The following HEATR4 variants were observed in gnomAD, a reference collection of about 807,000 sequenced individuals.
HEATR4 encodes the protein HEAT repeat containing 4, also known as HEAT repeat-containing protein 4.
A neutral mutation model predicts 108.8 loss-of-function variants in HEATR4; 95 were observed. That is an observed-to-expected ratio of 0.87 (90% confidence interval 0.74 to 1.04). HEATR4 has a LOEUF of 1.04. Ranked by LOEUF, HEATR4 falls within the 50% of genes least tolerant of loss-of-function variation. The pLI is 0.00. For missense variants in HEATR4, 1,152 were observed against 1,253.8 expected (o/e 0.92, Z 1.23); for synonymous variants, 443 against 459.4 (o/e 0.96, Z 0.46).
chr14:73,509,442 T>C lies in HEATR4; in HGVS notation c.1590A>G (p.Leu530=). The C allele has an allele frequency of 6.2e-7, 1 of 1,614,056 alleles. No individual in the cohort carries two copies. The highest frequency in any genetic ancestry group is 8.5e-7 in the Non-Finnish European group (1 of 1,180,008). ...AAAGAGCAGCCTCTAGGGCAGGCAG[T>C]AGAACCTCCGGCAAGTCCTGGATGG... ...DKTIQDLPEV[L]LPALEAALCD... is the part of the protein sequence containing the mutation. The change falls in exon 8 of 18, where the codon CTA becomes CTG. Residue 530 remains leucine (L), a synonymous_variant. Coordinates refer to ENST00000553558, the MANE Select transcript of HEATR4 (RefSeq NM_001220484.1).
At chr14:73,507,497 G>A (rs1886932162) in intron 9 of HEATR4, among the ~76,000 whole-genome samples, 1 of 152,128 alleles carries the variant, frequency 6.6e-6, no homozygotes, top group South Asian at 2.1e-4. Context: ...ACAGTGGTGT[G>A]ATCTCAGCTC....
chr14:73,569,519 G>A, the HEATR4 span: 5 of 1,608,740 alleles, frequency 3.1e-6, no homozygotes, highest in East Asian at 2.2e-5. Flanking sequence ...CGGAGCAGCC[G>A]GTCACGCTGC....
chr14:73,522,124 G>A, intron 3 of HEATR4, 148 bp downstream of exon 3: 1 of 852,144 alleles, frequency 1.2e-6, no homozygotes, highest in Admixed American at 2.3e-5. Context: ...ACCTTACTTT[G>A]CAGAGCTCTC....
the HEATR4 span, chr14:73,569,346 T>C: frequency 6.4e-5 from 104 of 1,613,978 alleles, 1 homozygote; most frequent in East Asian, 2.3e-3. Flanking sequence ...GCTGTACCAA[T>C]GGAGCCTGAA....
the HEATR4 span, among the ~76,000 whole-genome samples, chr14:73,572,626 G>A: frequency 7.8e-3 from 831 of 107,152 alleles, 1 homozygote; most frequent in African/African-American, 0.029. Flanking sequence ...AGTGTTGCCT[G>A]TAAGGTGTTT....
the HEATR4 span, chr14:73,569,197 C>T: frequency 3.7e-6 from 6 of 1,602,688 alleles, no homozygotes; most frequent in Non-Finnish European, 4.3e-6. Context: ...TAGCAGACAG[C>T]TCTGCCCTAG....
At chr14:73,595,413 T>C in the HEATR4 span, 3 of 1,614,222 alleles carry the variant, frequency 1.9e-6, no homozygotes, top group Non-Finnish European at 1.7e-6. Flanking sequence ...TCTGAACGGT[T>C]ACAGGCCCAT....
chr14:73,597,072 T>TTATG, the HEATR4 span, among the ~76,000 whole-genome samples: 188 of 137,282 alleles, frequency 1.4e-3, 1 homozygote, highest in East Asian at 0.038. Flanking sequence ...TAATTTTATT[T>TTATG]TATTTATTTA....
At chr14:73,598,749 T>C in the HEATR4 span, among the ~76,000 whole-genome samples, 1 of 152,086 alleles carries the variant, frequency 6.6e-6, no homozygotes, top group Non-Finnish European at 1.5e-5. Context: ...ACACCTGTAA[T>C]CCCAGCACTT....
the HEATR4 span, among the ~76,000 whole-genome samples, chr14:73,604,690 G>A: frequency 1.3e-5 from 2 of 152,028 alleles, no homozygotes; most frequent in South Asian, 2.1e-4. Context: ...GTTTCAACAT[G>A]TTGGTCAGGT....
chr14:73,502,547 C>G (rs1035199346), intron 11 of HEATR4, among the ~76,000 whole-genome samples: 18 of 151,832 alleles, frequency 1.2e-4, no homozygotes, highest in Admixed American at 1.3e-4. Flanking sequence ...TCCCAGGCCT[C>G]CTAAGCACTT....
the HEATR4 span, chr14:73,592,424 A>C: frequency 1.3e-6 from 2 of 1,505,584 alleles, no homozygotes; most frequent in Non-Finnish European, 1.8e-6. Context: ...CAGGTGAGCC[A>C]GGCTGCTGGC....
chr14:73,600,956 C>A, the HEATR4 span, among the ~76,000 whole-genome samples: 1 of 151,730 alleles, frequency 6.6e-6, no homozygotes, highest in African/African-American at 2.4e-5. Flanking sequence ...GCCCGGCCAA[C>A]ATGGCGAAAC....
At chr14:73,551,965 G>A (rs1375881381) in intron 1 of HEATR4, among the ~76,000 whole-genome samples, 1 of 112,716 alleles carries the variant, frequency 8.9e-6, no homozygotes, top group Non-Finnish European at 1.9e-5. Context: ...AGAGCATGAG[G>A]GCAGCTCACC....
intron 5 of HEATR4, 40 bp downstream of exon 5, chr14:73,518,983 C>A: frequency 6.3e-7 from 1 of 1,577,478 alleles, no homozygotes; most frequent in South Asian, 1.2e-5. Context: ...GCCACATTCC[C>A]GTTATTAACC....
At position 73,537,114 on chromosome 14, in the gene HEATR4, G is replaced by GC. The variant is rs1888887557; in HGVS notation, c.-151-6871dup. 1.6e-5 allele frequency: 4 copies of GC among 255,110 alleles called. 1 individual carries two copies. The highest frequency in any genetic ancestry group is 2.7e-5 in the Non-Finnish European group (4 of 147,584). The allele number at this position is 255,110 out of a possible 1,614,324, so 15.8% of individuals were successfully genotyped here. A position where few individuals can be genotyped will look rare whatever the true frequency, so the allele number is the denominator to read the frequency against. On this transcript the variant is annotated intron_variant, in intron 1 of 17. Coordinates refer to ENST00000553558, the MANE Select transcript of HEATR4 (RefSeq NM_001220484.1). ...TTCTCCTGCCTCAGCCTCCCGAGTA[G>GC]CCGGGACGAACCAGTCCTGGCCCAG... is the stretch of plus-strand genomic sequence containing the variant.
the HEATR4 span, among the ~76,000 whole-genome samples, chr14:73,615,274 C>T: frequency 6.8e-6 from 1 of 146,674 alleles, no homozygotes; most frequent in Non-Finnish European, 1.5e-5. Flanking sequence ...GTAATCCCAG[C>T]TACTCAGGAG....
At chr14:73,569,907 C>T in the HEATR4 span, 6 of 1,595,220 alleles carry the variant, frequency 3.8e-6, no homozygotes, top group South Asian at 2.3e-5. Context: ...GCTAATTGTT[C>T]CGTGTTCGTT....
At chr14:73,503,513 G>A (rs1886611813) in intron 10 of HEATR4, among the ~76,000 whole-genome samples, 1 of 152,186 alleles carries the variant, frequency 6.6e-6, no homozygotes, top group Non-Finnish European at 1.5e-5. Flanking sequence ...ATGTGTAAAT[G>A]TGCCCACGCT....
Sources: allele counts gnomAD v4.1 joint callset (sites outside exome capture counted in the v4.1 genomes callset), GRCh38; gene constraint gnomAD v4.1.1; transcripts MANE v1.5; gene names NCBI Gene and HGNC (gene_info 2026-07-23, HGNC 2026-07-21).